The following OPA3 variants were observed in gnomAD, a reference collection of about 807,000 sequenced individuals.
OPA3 encodes the protein outer mitochondrial membrane lipid metabolism regulator OPA3.
In OPA3, 6 loss-of-function variants were observed where a neutral mutation model predicts 4.0. The ratio of observed to expected loss-of-function variants is 1.51; its 90% CI spans 0.83 to 2.99. OPA3 has a LOEUF of 2.99. Among genes scored for constraint, OPA3 ranks in the 30% most tolerant of loss-of-function variants. The pLI, the probability that OPA3 is intolerant of heterozygous loss-of-function variation, is 0.00. For missense variants in OPA3, 235 were observed against 256.2 expected (o/e 0.92, Z 0.56); for synonymous variants, 105 against 117.1 (o/e 0.90, Z 0.67).
intron 1 of OPA3, among the ~76,000 whole-genome samples, chr19:45,533,639 T>TCCAGGGCAGG (rs1969084564): frequency 6.6e-6 from 1 of 152,204 alleles, no homozygotes; most frequent in Non-Finnish European, 1.5e-5. Flanking sequence ...AAGTCCGTAC[T>TCCAGGGCAGG]CCAGGGCAGG....
intron 1 of OPA3, among the ~76,000 whole-genome samples, chr19:45,561,981 T>A (rs1274339412): frequency 6.7e-6 from 1 of 148,962 alleles, no homozygotes; most frequent in Non-Finnish European, 1.5e-5. Flanking sequence ...AAAATAAAAA[T>A]AAAAAAATGA....
At chr19:45,570,916 G>A (rs532137547) in intron 1 of OPA3, among the ~76,000 whole-genome samples, 1 of 125,548 alleles carries the variant, frequency 8.0e-6, no homozygotes, top group East Asian at 2.6e-4. Flanking sequence ...TTCACCAAGA[G>A]TTTCCAAATT....
chr19:45,584,088 C>T (rs546393601), intron 1 of OPA3, among the ~76,000 whole-genome samples: 4 of 152,304 alleles, frequency 2.6e-5, no homozygotes, highest in Non-Finnish European at 5.9e-5. Context: ...GTCTCCAGAA[C>T]CCAGACTTCA....
At chr19:45,531,875 T>C (rs1969064745) in intron 1 of OPA3, among the ~76,000 whole-genome samples, 1 of 152,250 alleles carries the variant, frequency 6.6e-6, no homozygotes, top group Admixed American at 6.5e-5. Flanking sequence ...TTTCTCTCTT[T>C]AGCCCTTCGA....
chr19:45,532,582 G>GT (rs1422439777), intron 1 of OPA3, among the ~76,000 whole-genome samples: 1 of 151,788 alleles, frequency 6.6e-6, no homozygotes, highest in East Asian at 1.9e-4. Context: ...TTCCCTTCCT[G>GT]TTTTTTTCCA....
chr19:45,532,000 A>G (rs1568394892), intron 1 of OPA3, among the ~76,000 whole-genome samples: 2 of 152,300 alleles, frequency 1.3e-5, no homozygotes, highest in Admixed American at 6.5e-5. Flanking sequence ...CTGAGTTTAC[A>G]TGGGGCCTTG....
chr19:45,530,762 AT>A (rs1555730306), intron 1 of OPA3, among the ~76,000 whole-genome samples: 1 of 146,614 alleles, frequency 6.8e-6, no homozygotes, highest in Non-Finnish European at 1.5e-5. Context: ...CCCAGCCTTT[AT>A]TTATTTATTT....
At chr19:45,554,756 A>G (rs1038136778) in intron 1 of OPA3, among the ~76,000 whole-genome samples, 2 of 152,238 alleles carry the variant, frequency 1.3e-5, no homozygotes, top group African/African-American at 4.8e-5. Flanking sequence ...TTTAAGGTTT[A>G]GTAATTATTC....
Position 45,530,307 on chromosome 19 carries a change from T to C in OPA3, c.143-851A>G, listed in dbSNP as rs1200631087. Among the ~76,000 whole-genome samples, 3 of 151,984 alleles carry C rather than the reference T, an allele frequency of 2.0e-5. No homozygotes were observed. In the South Asian group the frequency reaches 6.2e-4, roughly 32 times the overall value. On this transcript the variant is annotated intron_variant, in intron 1 of 1. Coordinates refer to the OPA3 transcript ENST00000323060. ...AGGCAGAGGCTGCAGTGAGCCGAGA[T>C]CATGCCACTGTACTCCAGCCTGGGA...
intron 1 of OPA3, among the ~76,000 whole-genome samples, chr19:45,578,192 C>T (rs546269487): frequency 8.5e-4 from 129 of 152,292 alleles, no homozygotes; most frequent in African/African-American, 2.7e-3. Context: ...CTCCTTCTTG[C>T]CTGGTGACTA....
rs142467378 is a variant in OPA3, at chr19:45,553,717, C to T, written c.337G>A (p.Glu113Lys). 8.7e-6 allele frequency: 14 copies of T among 1,609,608 alleles called. No homozygotes were observed. The African/African-American group carries it at 1.5e-4, about 17-fold the overall frequency. ...GCGTTCCAGGCAGCACGCTGCTCCT[C>T]CTCCTTGTGGCGCTGCTGCGCCTGG... ...RHQAQQRHKEEEQRAAWNALR... is the reference protein window; with the variant it reads ...RHQAQQRHKEKEQRAAWNALR... The change falls in exon 2 of 2, where the codon GAG becomes AAG. Residue 113 changes from glutamate to lysine, a missense_variant. Transcript: ENST00000263275.
At chr19:45,571,333 G>C (rs1342590688) in intron 1 of OPA3, among the ~76,000 whole-genome samples, 1 of 151,936 alleles carries the variant, frequency 6.6e-6, no homozygotes, top group Non-Finnish European at 1.5e-5. Flanking sequence ...TTTTAGTAGA[G>C]ACGGGGTTTC....
Position 45,550,967 on chromosome 19 carries a change from T to C in OPA3, c.*2547A>G. 3 of 985,312 alleles carry C rather than the reference T, an allele frequency of 3.0e-6. No individual in the cohort carries two copies. Among genetic ancestry groups the C allele is most frequent in the Non-Finnish European group, 3.6e-6 (3 of 830,012 alleles). 61.0% of individuals were successfully genotyped at this position (985,312 alleles called of 1,614,324 possible). Reference sequence around the variant, plus strand: ...CGCGGGGTTGGCAGGAGTCCCAGGGTACTTTTTTTCTGAGAAAGGGTCTCA... The same window carrying C: ...CGCGGGGTTGGCAGGAGTCCCAGGGCACTTTTTTTCTGAGAAAGGGTCTCA... On this transcript the variant is annotated 3_prime_UTR_variant, in exon 2 of 2. Coordinates refer to ENST00000263275, the MANE Select transcript of OPA3 (RefSeq NM_025136.4).
At chr19:45,583,250 A>C (rs1320368437) in intron 1 of OPA3, among the ~76,000 whole-genome samples, 1 of 151,772 alleles carries the variant, frequency 6.6e-6, no homozygotes, top group Non-Finnish European at 1.5e-5. Flanking sequence ...TTCCGGGTTC[A>C]CGCCATTCTC....
intron 1 of OPA3, among the ~76,000 whole-genome samples, chr19:45,540,309 T>C (rs545935062): frequency 1.3e-3 from 199 of 150,434 alleles, no homozygotes; most frequent in African/African-American, 4.3e-3. Context: ...AGAGCGAGAC[T>C]CTGTCTCAAA....
intron 1 of OPA3, among the ~76,000 whole-genome samples, chr19:45,531,778 G>C (rs1447135407): frequency 6.6e-6 from 1 of 152,180 alleles, no homozygotes; most frequent in African/African-American, 2.4e-5. Flanking sequence ...AGAGGGGCTT[G>C]TTGTCATCCC....
At chr19:45,543,035 GGT>G (rs1350814865), downstream of OPA3, among the ~76,000 whole-genome samples, 1 of 150,582 alleles carries the variant, frequency 6.6e-6, no homozygotes, top group African/African-American at 2.4e-5. Flanking sequence ...TTTGAGACAG[GGT>G]CTCACTCTGT....
rs1216288401 is a variant in OPA3, at chr19:45,549,042, T to G, written c.*4472A>C. On this transcript the variant is annotated 3_prime_UTR_variant, in exon 2 of 2. Coordinates refer to ENST00000263275, the MANE Select transcript of OPA3 (RefSeq NM_025136.4). The stretch of plus-strand genomic sequence containing the variant: ...TTGGTCTTGAACTCCTGACCTCAGG[T>G]GATCCACCCACCCTGGCCTCCCAAA... 1 of 815,198 alleles carries G rather than the reference T, an allele frequency of 1.2e-6. No homozygotes were observed. Among genetic ancestry groups the G allele is most frequent in the Non-Finnish European group, 1.5e-6 (1 of 674,608 alleles). 50.5% of individuals were successfully genotyped at this position (815,198 alleles called of 1,614,324 possible). A position where few individuals can be genotyped will look rare whatever the true frequency, so the allele number is the denominator to read the frequency against.
chr19:45,559,385 CTCTT>C (rs1251265343), intron 1 of OPA3, among the ~76,000 whole-genome samples: 3 of 134,474 alleles, frequency 2.2e-5, no homozygotes, highest in Non-Finnish European at 4.6e-5. Flanking sequence ...TCTTCTTTCC[CTCTT>C]TTTCTTTCTT....
Sources: allele counts gnomAD v4.1 joint callset (sites outside exome capture counted in the v4.1 genomes callset), GRCh38; gene constraint gnomAD v4.1.1; transcripts MANE v1.5; gene names NCBI Gene and HGNC (gene_info 2026-07-23, HGNC 2026-07-21).